The following MDGA2 variants were observed in gnomAD, a reference collection of about 807,000 sequenced individuals.
The protein encoded by MDGA2 is MAM domain-containing glycosylphosphatidylinositol anchor protein 2.
Under a neutral mutation model 117.8 loss-of-function variants are expected in MDGA2, and 40 were observed. The observed-to-expected ratio is 0.34, with a 90% CI of 0.26 to 0.44. The LOEUF is 0.44. Ranked by LOEUF, MDGA2 falls within the 20% of genes least tolerant of loss-of-function variation. The probability of loss-of-function intolerance (pLI) is 1.00; values close to 1 mark genes in which losing one functional copy is unlikely to be tolerated. For synonymous variants in MDGA2, 452 were observed against 439.0 expected (o/e 1.03, Z -0.37); for missense variants, 1,123 against 1,250.6 (o/e 0.90, Z 1.54).
At chr14:46,972,179 T>G (rs1340698797) in intron 8 of MDGA2, among the ~76,000 whole-genome samples, 1 of 152,096 alleles carries the variant, frequency 6.6e-6, no homozygotes, top group East Asian at 1.9e-4. Context: ...ACTTGTAGGA[T>G]GTATGCTAAC....
intron 1 of MDGA2, among the ~76,000 whole-genome samples, chr14:47,615,288 G>T (rs1285251361): frequency 6.6e-5 from 10 of 151,992 alleles, no homozygotes; most frequent in African/African-American, 2.4e-4. Flanking sequence ...CCAAAATAGT[G>T]ATTTTAACCA....
At chr14:46,957,083 G>A (rs552770487) in intron 9 of MDGA2, among the ~76,000 whole-genome samples, 45 of 152,162 alleles carry the variant, frequency 3.0e-4, no homozygotes, top group Middle Eastern at 3.4e-3. Flanking sequence ...CCAGTCTCAG[G>A]TAGTTCTTTA....
intron 2 of MDGA2, among the ~76,000 whole-genome samples, chr14:47,246,210 A>G (rs911413966): frequency 1.3e-5 from 2 of 151,844 alleles, no homozygotes; most frequent in African/African-American, 4.8e-5. Context: ...TTGAGCACCA[A>G]TTATGTGCAA....
intron 6 of MDGA2, among the ~76,000 whole-genome samples, chr14:47,062,032 A>C (rs1046672656): frequency 2.0e-5 from 3 of 152,050 alleles, no homozygotes; most frequent in African/African-American, 7.2e-5. Flanking sequence ...CACAAAGGAC[A>C]TAAGAACATT....
intron 3 of MDGA2, among the ~76,000 whole-genome samples, chr14:47,169,279 TTC>T (rs1272638387): frequency 6.6e-6 from 1 of 151,930 alleles, no homozygotes; most frequent in Non-Finnish European, 1.5e-5. Context: ...TCAGAATATT[TTC>T]TTTCATTTCT....
intron 9 of MDGA2, among the ~76,000 whole-genome samples, chr14:46,948,440 C>G (rs567721526): frequency 6.6e-6 from 1 of 151,912 alleles, no homozygotes; most frequent in Non-Finnish European, 1.5e-5. Flanking sequence ...TTACCATTCT[C>G]TATCTTCTCT....
chr14:47,048,870 C>G (rs1326246903), intron 7 of MDGA2, among the ~76,000 whole-genome samples: 3 of 152,030 alleles, frequency 2.0e-5, no homozygotes, highest in Non-Finnish European at 4.4e-5. Flanking sequence ...ATTCTACAAA[C>G]CATTCTGCTA....
At chr14:47,288,415 A>G (rs79005932) in intron 2 of MDGA2, among the ~76,000 whole-genome samples, 4 of 152,282 alleles carry the variant, frequency 2.6e-5, no homozygotes, top group East Asian at 1.9e-4. Flanking sequence ...ATTCACGTCA[A>G]TTTGATACCA....
At chr14:47,424,413 C>CA (rs34875957) in intron 1 of MDGA2, among the ~76,000 whole-genome samples, 2,842 of 139,610 alleles carry the variant, frequency 0.02, 52 homozygotes, top group Middle Eastern at 0.076. Flanking sequence ...GATTCTGTCT[C>CA]AAAAAAAAAA....
chr14:46,884,386 C>G lies in MDGA2; in HGVS notation c.2239-2165G>C, dbSNP rs1882587333. 6.6e-6 allele frequency among the ~76,000 whole-genome samples: 1 copy of G among 152,110 alleles called. No homozygotes were observed. Among genetic ancestry groups the G allele is most frequent in the South Asian group, 2.1e-4 (1 of 4,828 alleles). ...ACGTAGTACTTTCTCTATGTACACACACATACACATGTACACATTATATGC... is the reference window on the plus strand; with the variant it reads ...ACGTAGTACTTTCTCTATGTACACAGACATACACATGTACACATTATATGC... On this transcript the variant is annotated intron_variant, in intron 10 of 16. Coordinates refer to ENST00000399232, the MANE Select transcript of MDGA2 (RefSeq NM_001113498.3). The surrounding 1 kb of genome is among the most constrained non-coding windows in gnomAD (Gnocchi z 4.1).
intron 1 of MDGA2, among the ~76,000 whole-genome samples, chr14:47,669,126 A>G (rs1391995880): frequency 6.6e-6 from 1 of 152,252 alleles, no homozygotes; most frequent in Non-Finnish European, 1.5e-5. Flanking sequence ...TAAGTTTTAA[A>G]GAAGTACAGA....
At chr14:47,671,405 T>C (rs1304949431) in intron 1 of MDGA2, among the ~76,000 whole-genome samples, 4 of 152,196 alleles carry the variant, frequency 2.6e-5, no homozygotes, top group Admixed American at 6.5e-5. Context: ...AATCTGAATT[T>C]CATGCTCAGA....
intron 1 of MDGA2, among the ~76,000 whole-genome samples, chr14:47,431,898 G>A (rs964804576): frequency 1.3e-5 from 2 of 151,950 alleles, no homozygotes; most frequent in African/African-American, 2.4e-5. Flanking sequence ...AGCTTTCCAC[G>A]ACATATTTGA....
At chr14:47,537,301 T>G (rs1895233824) in intron 1 of MDGA2, among the ~76,000 whole-genome samples, 1 of 105,242 alleles carries the variant, frequency 9.5e-6, no homozygotes, top group African/African-American at 3.8e-5. Flanking sequence ...CACCAGGGCC[T>G]GTTGTCGGGT....
intron 1 of MDGA2, among the ~76,000 whole-genome samples, chr14:47,379,452 G>C (rs1331169338): frequency 2.0e-5 from 3 of 152,204 alleles, no homozygotes; most frequent in African/African-American, 4.8e-5. Context: ...AGACCCATCA[G>C]TGTGCGGTAT....
intron 11 of MDGA2, among the ~76,000 whole-genome samples, chr14:46,878,216 G>C (rs568137348): frequency 1.3e-5 from 2 of 151,846 alleles, no homozygotes; most frequent in Non-Finnish European, 2.9e-5. Flanking sequence ...AAAGAGAAAT[G>C]AATACTTTAA....
chr14:47,406,352 C>A (rs1308454133), intron 1 of MDGA2, among the ~76,000 whole-genome samples: 1 of 151,918 alleles, frequency 6.6e-6, no homozygotes, highest in Non-Finnish European at 1.5e-5. Flanking sequence ...TGAATTATGA[C>A]AAGTGTTTAT....
chr14:47,086,796 A>T (rs1247426471), intron 6 of MDGA2, among the ~76,000 whole-genome samples: 1 of 152,086 alleles, frequency 6.6e-6, no homozygotes, highest in Non-Finnish European at 1.5e-5. Flanking sequence ...CCTCTGAGGA[A>T]TTTTTTCTAT....
intron 1 of MDGA2, among the ~76,000 whole-genome samples, chr14:47,396,695 A>C (rs1428790696): frequency 6.6e-6 from 1 of 152,226 alleles, no homozygotes; most frequent in Non-Finnish European, 1.5e-5. Context: ...GACACTTCTC[A>C]AAAGAAGACA....
Sources: gnomAD v4.1 joint callset for allele counts (sites outside exome capture counted in the v4.1 genomes callset) on GRCh38, gnomAD v4.1.1 for gene constraint, Gnocchi (gnomAD v3.1) non-coding constraint, MANE v1.5 for transcripts, NCBI Gene and HGNC (gene_info 2026-07-23, HGNC 2026-07-21) for gene names.